Variants in KCNT2 observed in about 807,000 individuals in gnomAD.
KCNT2 encodes the protein potassium channel subfamily T member 2.
Under a neutral mutation model 153.8 loss-of-function variants are expected in KCNT2, and 67 were observed. The observed-to-expected ratio is 0.44, with a 90% CI of 0.36 to 0.53. KCNT2 has a LOEUF of 0.53. Ranked by LOEUF, KCNT2 falls within the 20% of genes least tolerant of loss-of-function variation. The pLI, the probability that KCNT2 is intolerant of heterozygous loss-of-function variation, is 0.00. For missense variants in KCNT2, 975 were observed against 1,354.8 expected (o/e 0.72, Z 4.40); for synonymous variants, 500 against 458.8 (o/e 1.09, Z -1.15).
At chr1:196,563,473 T>G (rs1420345189) in intron 1 of KCNT2, among the ~76,000 whole-genome samples, 1 of 5,550 alleles carries the variant, frequency 1.8e-4, no homozygotes, top group African/African-American at 2.2e-4. Flanking sequence ...AAAAAAAAAC[T>G]TTTCAAACTT....
chr1:196,559,277 A>G (rs1659076933), intron 1 of KCNT2, among the ~76,000 whole-genome samples: 1 of 151,624 alleles, frequency 6.6e-6, no homozygotes, highest in African/African-American at 2.4e-5. Context: ...CAGTAATTTA[A>G]AAAATAAAAA....
chr1:196,459,314 TTTTC>T (rs1346350292), intron 8 of KCNT2, among the ~76,000 whole-genome samples: 2 of 151,722 alleles, frequency 1.3e-5, no homozygotes, highest in Admixed American at 1.3e-4. Flanking sequence ...CAAACATGGA[TTTTC>T]TTTATTTCAA....
At chr1:196,353,694 A>G (rs1666942588) in intron 14 of KCNT2, among the ~76,000 whole-genome samples, 1 of 151,986 alleles carries the variant, frequency 6.6e-6, no homozygotes, top group South Asian at 2.1e-4. Flanking sequence ...GAAAGAATTA[A>G]CTCACATATT....
At chr1:196,551,960 T>C (rs904092405) in intron 1 of KCNT2, among the ~76,000 whole-genome samples, 5 of 151,544 alleles carry the variant, frequency 3.3e-5, no homozygotes, top group African/African-American at 1.2e-4. Context: ...AAGGAGTATA[T>C]AATGGAAAAG....
chr1:196,228,399 T>C, intron 27 of KCNT2, 64 bp from the exon 28 acceptor site: 1 of 777,592 alleles, frequency 1.3e-6, no homozygotes, highest in South Asian at 1.6e-5. Flanking sequence ...TAATTCACAC[T>C]GACACTTCAT....
chr1:196,400,651 A>G (rs1671332810), intron 12 of KCNT2, among the ~76,000 whole-genome samples: 1 of 151,854 alleles, frequency 6.6e-6, no homozygotes, highest in African/African-American at 2.4e-5. Context: ...CTTAGGAAAA[A>G]TTTAAAGTGA....
At chr1:196,234,746 G>A (rs1178149584) in intron 27 of KCNT2, among the ~76,000 whole-genome samples, 2 of 151,432 alleles carry the variant, frequency 1.3e-5, no homozygotes, top group African/African-American at 2.4e-5. Context: ...ATTATGCTCA[G>A]CATAACAAAA....
intron 1 of KCNT2, among the ~76,000 whole-genome samples, chr1:196,593,071 C>T (rs995737158): frequency 1.9e-4 from 29 of 150,460 alleles, no homozygotes; most frequent in Non-Finnish European, 3.0e-4. Flanking sequence ...TTATCCCTTA[C>T]CCCCTCCCAC....
At chr1:196,390,668 C>T (rs1230393518) in intron 13 of KCNT2, among the ~76,000 whole-genome samples, 1 of 149,836 alleles carries the variant, frequency 6.7e-6, no homozygotes, top group African/African-American at 2.4e-5. Flanking sequence ...TTACCGAATA[C>T]TTGCATTATT....
At chr1:196,457,153 G>C (rs1489711681) in intron 8 of KCNT2, among the ~76,000 whole-genome samples, 7 of 151,706 alleles carry the variant, frequency 4.6e-5, no homozygotes, top group African/African-American at 1.7e-4. Context: ...TTTAAAAGGA[G>C]TAGACAATTT....
intron 8 of KCNT2, among the ~76,000 whole-genome samples, chr1:196,454,316 A>C (rs1163656356): frequency 1.3e-5 from 2 of 151,970 alleles, no homozygotes; most frequent in Non-Finnish European, 2.9e-5. Flanking sequence ...AAATGATCCC[A>C]TCATCCAGAT....
At chr1:196,563,463 A>G (rs1182569139) in intron 1 of KCNT2, among the ~76,000 whole-genome samples, 3 of 49,876 alleles carry the variant, frequency 6.0e-5, no homozygotes, top group African/African-American at 6.9e-5. Flanking sequence ...AAAAAGAAAA[A>G]AAAAAAAACT....
At chr1:196,477,075 T>C (rs1006851699) in intron 5 of KCNT2, among the ~76,000 whole-genome samples, 2 of 152,184 alleles carry the variant, frequency 1.3e-5, no homozygotes, top group African/African-American at 4.8e-5. Context: ...AATCCACCTA[T>C]ATTTTTTAAA....
chr1:196,574,437 T>G (rs750235688), intron 1 of KCNT2, among the ~76,000 whole-genome samples: 22 of 151,904 alleles, frequency 1.4e-4, no homozygotes, highest in Non-Finnish European at 4.4e-5. Flanking sequence ...GAGTCATAGC[T>G]GTTAAACAAC....
chr1:196,276,068 A>G (rs1271218464), intron 25 of KCNT2, among the ~76,000 whole-genome samples: 1 of 151,972 alleles, frequency 6.6e-6, no homozygotes, highest in African/African-American at 2.4e-5. Context: ...TCTATAGAAT[A>G]TGCCTGATTA....
intron 1 of KCNT2, among the ~76,000 whole-genome samples, chr1:196,554,507 T>C (rs1658374020): frequency 6.6e-6 from 1 of 150,626 alleles, no homozygotes; most frequent in Non-Finnish European, 1.5e-5. Flanking sequence ...ATTGAAGCCA[T>C]AATAACAAGA....
intron 13 of KCNT2, among the ~76,000 whole-genome samples, chr1:196,385,695 A>G (rs1669910141): frequency 6.6e-6 from 1 of 151,856 alleles, no homozygotes; most frequent in African/African-American, 2.4e-5. Flanking sequence ...TCTTAAAAGC[A>G]CACATTCTGG....
At chr1:196,485,316 A>C (rs2148714327) in intron 3 of KCNT2, among the ~76,000 whole-genome samples, 1 of 152,070 alleles carries the variant, frequency 6.6e-6, no homozygotes, top group African/African-American at 2.4e-5. Context: ...GGCGAGGGGA[A>C]GGAAAATGGA....
chr1:196,479,371 C>A (rs74931432), intron 4 of KCNT2, 133 bp from the exon 5 acceptor site: 2 of 575,852 alleles, frequency 3.5e-6, no homozygotes, highest in African/African-American at 1.9e-5. Flanking sequence ...ACTTATTAGG[C>A]GGTACTTTAA....
Sources: gnomAD v4.1 joint callset for allele counts (sites outside exome capture counted in the v4.1 genomes callset) on GRCh38, gnomAD v4.1.1 for gene constraint, MANE v1.5 for transcripts, NCBI Gene and HGNC (gene_info 2026-07-23, HGNC 2026-07-21) for gene names.